Variants in CHIC2 observed in about 807,000 individuals in gnomAD.
CHIC2 encodes the protein cysteine-rich hydrophobic domain-containing protein 2.
A neutral mutation model predicts 25.9 loss-of-function variants in CHIC2; 14 were observed. The observed-to-expected ratio is 0.54, with a 90% CI of 0.36 to 0.85. CHIC2 has a LOEUF of 0.85. Among genes scored for constraint, CHIC2 ranks in the 40% least tolerant of loss-of-function variants. CHIC2 has a pLI of 0.01. For synonymous variants in CHIC2, 70 were observed against 72.0 expected (o/e 0.97, Z 0.14); for missense variants, 146 against 202.0 (o/e 0.72, Z 1.68).
At chr4:54,020,057 A>G (rs903594929) in intron 3 of CHIC2, among the ~76,000 whole-genome samples, 3 of 152,350 alleles carry the variant, frequency 2.0e-5, no homozygotes, top group Admixed American at 6.5e-5. Flanking sequence ...ATGTAATTAC[A>G]AAAGAAAGAA....
chr4:54,021,845 T>G (rs1277166244), intron 3 of CHIC2, among the ~76,000 whole-genome samples: 1 of 151,836 alleles, frequency 6.6e-6, no homozygotes, highest in Non-Finnish European at 1.5e-5. Flanking sequence ...TAAAAAAAGC[T>G]CCAGAAATTA....
intron 3 of CHIC2, among the ~76,000 whole-genome samples, chr4:54,016,442 G>C (rs534493407): frequency 6.6e-6 from 1 of 152,084 alleles, no homozygotes; most frequent in Non-Finnish European, 1.5e-5. Flanking sequence ...TATTTAAGTA[G>C]GAATTCTGAA....
intron 3 of CHIC2, among the ~76,000 whole-genome samples, chr4:54,021,365 CT>C (rs1460159990): frequency 1.3e-5 from 2 of 152,122 alleles, no homozygotes; most frequent in Admixed American, 1.3e-4. Flanking sequence ...TCTTTCTCTC[CT>C]GTCTGTTCCT....
At chr4:54,080,190 ATATATATGTG>A in the CHIC2 span, among the ~76,000 whole-genome samples, 65 of 149,272 alleles carry the variant, frequency 4.4e-4, no homozygotes, top group African/African-American at 1.4e-3. Context: ...ATATATGTGT[ATATATATGTG>A]TATATATATA....
the CHIC2 span, chr4:54,087,420 C>T: frequency 4.1e-5 from 24 of 589,088 alleles, no homozygotes; most frequent in East Asian, 7.3e-4. Flanking sequence ...AATTGTAAAA[C>T]ATCGCAGGGA....
In CHIC2 at chr4:54,052,774, T is replaced by C. The variant is rs372366477; in HGVS notation, c.120-3469A>G. On this transcript the variant is annotated intron_variant, in intron 1 of 5. Coordinates refer to ENST00000263921, the MANE Select transcript of CHIC2 (RefSeq NM_012110.4). ...ATATCACACACTGTCAATGGAACTATAAATTGTTACAACCATTTCAGATTA... is the reference window on the plus strand; with the variant it reads ...ATATCACACACTGTCAATGGAACTACAAATTGTTACAACCATTTCAGATTA... Among the ~76,000 whole-genome samples, 4 of 152,346 alleles carry C rather than the reference T, an allele frequency of 2.6e-5. No individual in the cohort carries two copies. The South Asian group carries it at 6.2e-4, about 24-fold the overall frequency.
chr4:54,066,269 G>T (rs1463216708), upstream of CHIC2, among the ~76,000 whole-genome samples: 1 of 152,188 alleles, frequency 6.6e-6, no homozygotes, highest in African/African-American at 2.4e-5. Context: ...GGGATGCTCA[G>T]CAGATTCAAG....
intron 3 of CHIC2, among the ~76,000 whole-genome samples, chr4:54,018,652 TAA>T (rs1715811463): frequency 6.6e-6 from 1 of 152,096 alleles, no homozygotes; most frequent in African/African-American, 2.4e-5. Flanking sequence ...AAAAAAATGT[TAA>T]GTGTAGAAAC....
intron 1 of CHIC2, among the ~76,000 whole-genome samples, chr4:54,051,682 A>T (rs1717012061): frequency 6.6e-6 from 1 of 152,044 alleles, no homozygotes; most frequent in African/African-American, 2.4e-5. Context: ...AAAACTAACC[A>T]TTTACTTCTG....
At chr4:54,085,378 G>A in the CHIC2 span, among the ~76,000 whole-genome samples, 1 of 152,150 alleles carries the variant, frequency 6.6e-6, no homozygotes, top group Admixed American at 6.5e-5. Flanking sequence ...GGAAGACAAT[G>A]GTGCTGTGTA....
In CHIC2 at chr4:54,013,967, G is replaced by A. The variant is rs561250799; in HGVS notation, c.388-71C>T. Reference sequence around the variant, plus strand: ...TTGCAGCACACAGACTAACCCATTTGTCCACCTTTCATATTTTTAGTTCAA... The same window carrying A: ...TTGCAGCACACAGACTAACCCATTTATCCACCTTTCATATTTTTAGTTCAA... On this transcript the variant is annotated intron_variant, in intron 4 of 5. Coordinates refer to ENST00000263921, the MANE Select transcript of CHIC2 (RefSeq NM_012110.4). 2.5e-6 allele frequency: 4 copies of A among 1,592,716 alleles called. No homozygotes were observed. The Admixed American group carries it at 5.0e-5, about 20-fold the overall frequency.
intron 3 of CHIC2, among the ~76,000 whole-genome samples, chr4:54,021,298 T>C (rs113256473): frequency 1.3e-5 from 2 of 152,170 alleles, no homozygotes; most frequent in African/African-American, 4.8e-5. Context: ...GGCATTCTTT[T>C]ACACATTGGT....
At chr4:54,068,573 G>T (rs1461616989), upstream of CHIC2, among the ~76,000 whole-genome samples, 6 of 152,228 alleles carry the variant, frequency 3.9e-5, no homozygotes, top group Non-Finnish European at 7.3e-5. Context: ...ACAGTCTATG[G>T]TATTTTGTGT....
chr4:54,043,085 C>T (rs1223968929), intron 3 of CHIC2, among the ~76,000 whole-genome samples: 1 of 151,964 alleles, frequency 6.6e-6, no homozygotes, highest in East Asian at 1.9e-4. Context: ...CCAAGGAGGG[C>T]AGACTGCTTG....
intron 3 of CHIC2, among the ~76,000 whole-genome samples, chr4:54,044,340 G>A (rs1357914373): frequency 6.6e-6 from 1 of 152,198 alleles, no homozygotes; most frequent in African/African-American, 2.4e-5. Context: ...CAAATCAACA[G>A]AATATACATT....
chr4:54,038,200 CAT>C (rs1491555288), intron 3 of CHIC2, among the ~76,000 whole-genome samples: 4 of 152,106 alleles, frequency 2.6e-5, no homozygotes, highest in African/African-American at 9.7e-5. Flanking sequence ...TTTCTGACAA[CAT>C]AGTTATCTCT....
chr4:54,054,760 C>T (rs1717122754), intron 1 of CHIC2, among the ~76,000 whole-genome samples: 1 of 152,186 alleles, frequency 6.6e-6, no homozygotes. Context: ...ATAACATTAA[C>T]TAACTCAATC....
At chr4:54,049,994 T>C (rs529791323) in intron 1 of CHIC2, among the ~76,000 whole-genome samples, 1 of 152,140 alleles carries the variant, frequency 6.6e-6, no homozygotes, top group Non-Finnish European at 1.5e-5. Context: ...ATTTAAACTA[T>C]TTTCAAAGAA....
At chr4:54,075,291 T>C in the CHIC2 span, among the ~76,000 whole-genome samples, 1 of 152,162 alleles carries the variant, frequency 6.6e-6, no homozygotes, top group African/African-American at 2.4e-5. Context: ...AATGTGTCCT[T>C]TGAAGCTATA....
Sources: gnomAD v4.1 joint callset for allele counts (sites outside exome capture counted in the v4.1 genomes callset) on GRCh38, gnomAD v4.1.1 for gene constraint, MANE v1.5 for transcripts, NCBI Gene and HGNC (gene_info 2026-07-23, HGNC 2026-07-21) for gene names.